THSD4: variants seen among roughly 807,000 people sequenced by gnomAD.
THSD4 encodes thrombospondin type 1 domain containing 4, also known as thrombospondin type-1 domain-containing protein 4.
A neutral mutation model predicts 119.0 loss-of-function variants in THSD4; 69 were observed. That is an observed-to-expected ratio of 0.58 (90% CI 0.48 to 0.71). The LOEUF (loss-of-function observed/expected upper bound fraction) is 0.71. Among genes scored for constraint, THSD4 ranks in the 30% least tolerant of loss-of-function variants. The probability of loss-of-function intolerance (pLI) is 0.00; values close to 1 mark genes in which losing one functional copy is unlikely to be tolerated. For synonymous variants in THSD4, 524 were observed against 540.4 expected (o/e 0.97, Z 0.42); for missense variants, 1,393 against 1,391.1 (o/e 1.00, Z -0.02).
rs1034603834 is a variant in THSD4 at position 71,436,484 on chromosome 15, T to C, written c.1152+24661T>C. On this transcript the variant is annotated intron_variant, in intron 7 of 17. Coordinates refer to ENST00000261862, the MANE Select transcript of THSD4 (RefSeq NM_024817.3). ...CTACTTAACCAGATTTCACAAAGAGTGACCAAGAGTGACTGATAAGAATTT... is the reference window on the plus strand; with the variant it reads ...CTACTTAACCAGATTTCACAAAGAGCGACCAAGAGTGACTGATAAGAATTT... Among the ~76,000 whole-genome samples the C allele has an allele frequency of 4.6e-5, 7 of 152,076 alleles. No individual in the cohort carries two copies. The East Asian group carries it at 1.2e-3, about 25-fold the overall frequency.
chr15:71,775,195 A>G (rs756586785), intron 17 of THSD4, among the ~76,000 whole-genome samples: 3 of 152,210 alleles, frequency 2.0e-5, no homozygotes, highest in Non-Finnish European at 2.9e-5. Flanking sequence ...GAAGGAAATG[A>G]CTTATTTAAT....
chr15:71,612,317 C>T (rs1347815561), intron 7 of THSD4, among the ~76,000 whole-genome samples: 1 of 152,178 alleles, frequency 6.6e-6, no homozygotes, highest in East Asian at 1.9e-4. Flanking sequence ...AACAATCACC[C>T]CCCGGTGGGA....
Position 71,256,667 on chromosome 15 carries a change from A to G in THSD4, c.967A>G (p.Asn323Asp). ...IREVQCASYN[N>D]KPFMGRFYEW... ...GGAGGTACAGTGTGCATCCTACAAC[A>G]ACAAGCCATTCATGGGCCGGTTTTA... Residue 323 changes from asparagine (N) to aspartate (D), a missense_variant, in exon 6 of 18, where the codon AAC becomes GAC. Physicochemically the swap from Asn to Asp is conservative, Grantham distance 23. Coordinates refer to ENST00000261862, the MANE Select transcript of THSD4 (RefSeq NM_024817.3). The G allele has an allele frequency of 6.2e-7, 1 of 1,614,108 alleles. No individual in the cohort carries two copies. Among genetic ancestry groups the G allele is most frequent in the Non-Finnish European group, 8.5e-7 (1 of 1,179,984 alleles).
At chr15:71,102,204 G>A (rs1251546195) in intron 1 of THSD4, among the ~76,000 whole-genome samples, 1 of 152,058 alleles carries the variant, frequency 6.6e-6, no homozygotes, top group Admixed American at 6.5e-5. Flanking sequence ...ATGTGTGGAT[G>A]TCTTTGATTT....
intron 8 of THSD4, among the ~76,000 whole-genome samples, chr15:71,680,482 T>G (rs1034393994): frequency 6.6e-6 from 1 of 152,228 alleles, no homozygotes; most frequent in Non-Finnish European, 1.5e-5. Flanking sequence ...GGGTAAAAAT[T>G]TGTTGATCAG....
At chr15:71,411,851 C>T in intron 7 of THSD4, 28 bp downstream of exon 7, 1 of 1,612,814 alleles carries the variant, frequency 6.2e-7, no homozygotes, top group Non-Finnish European at 8.5e-7. Context: ...GGGGTGAATT[C>T]TTAAGGTGTT....
chr15:71,430,154 A>C (rs1264783989), intron 7 of THSD4, among the ~76,000 whole-genome samples: 2 of 152,128 alleles, frequency 1.3e-5, no homozygotes, highest in Admixed American at 6.5e-5. Context: ...CTTAGGAAAA[A>C]AGAAATTTTA....
At chr15:71,330,378 C>T (rs146989274) in intron 6 of THSD4, among the ~76,000 whole-genome samples, 30 of 152,304 alleles carry the variant, frequency 2.0e-4, no homozygotes, top group African/African-American at 6.5e-4. Context: ...TTAAAACACG[C>T]AGCACACGGT....
At chr15:71,318,521 C>G (rs527793451) in intron 6 of THSD4, among the ~76,000 whole-genome samples, 1 of 152,276 alleles carries the variant, frequency 6.6e-6, no homozygotes, top group African/African-American at 2.4e-5. Context: ...GAATAAGTAT[C>G]CTAATGGGAA....
At chr15:71,297,320 T>TTTTTGTTTG (rs111707595) in intron 6 of THSD4, among the ~76,000 whole-genome samples, 167 of 148,086 alleles carry the variant, frequency 1.1e-3, no homozygotes, top group African/African-American at 4.1e-3. Context: ...CTCTTCTTTT[T>TTTTTGTTTG]TTTGTTTGTT....
intron 8 of THSD4, among the ~76,000 whole-genome samples, chr15:71,685,058 C>A (rs1394834016): frequency 6.6e-6 from 1 of 151,900 alleles, no homozygotes; most frequent in African/African-American, 2.4e-5. Context: ...GATATATTCT[C>A]TTATTTGGGC....
intron 8 of THSD4, among the ~76,000 whole-genome samples, chr15:71,705,040 C>G (rs1192726953): frequency 6.6e-6 from 1 of 151,766 alleles, no homozygotes; most frequent in Non-Finnish European, 1.5e-5. Context: ...GAATGTGGGC[C>G]CAGCCCTGAA....
intron 7 of THSD4, among the ~76,000 whole-genome samples, chr15:71,551,144 T>C (rs1284554817): frequency 1.3e-5 from 2 of 152,242 alleles, no homozygotes; most frequent in Admixed American, 6.5e-5. Context: ...AGATGTGTAA[T>C]GAAATGACTA....
In THSD4 at chr15:71,242,674, C is replaced by T. The variant is rs1360651281; in HGVS notation, c.490C>T (p.Pro164Ser). 6.2e-7 allele frequency: 1 copy of T among 1,614,106 alleles called. No homozygotes were observed. Among genetic ancestry groups the T allele is most frequent in the Admixed American group, 1.7e-5 (1 of 60,026 alleles). ...RRSRTRGTIG[P>S]GKYGYGKAPY... ...GAGCAGGACCCGTGGTACCATTGGC[C>T]CTGGCAAGTATGGCTATGGTAAGGC... The change falls in exon 5 of 18, where the codon CCT becomes TCT. Residue 164 changes from proline (P) to serine (S), a missense_variant. Pro to Ser is a moderately conservative substitution (Grantham distance 74, BLOSUM62 -1). Coordinates refer to ENST00000261862, the MANE Select transcript of THSD4 (RefSeq NM_024817.3).
At chr15:71,680,672 G>A (rs969604805) in intron 8 of THSD4, among the ~76,000 whole-genome samples, 4 of 152,316 alleles carry the variant, frequency 2.6e-5, no homozygotes, top group Non-Finnish European at 5.9e-5. Context: ...AAACATTTCA[G>A]TATGAGCAGA....
chr15:71,334,346 C>T (rs2045465497), intron 6 of THSD4, among the ~76,000 whole-genome samples: 1 of 152,168 alleles, frequency 6.6e-6, no homozygotes, highest in Non-Finnish European at 1.5e-5. Flanking sequence ...CACTCGACTA[C>T]CACAGAACCA....
chr15:71,627,752 AAGG>A (rs1268217209), intron 7 of THSD4, among the ~76,000 whole-genome samples: 2 of 152,212 alleles, frequency 1.3e-5, no homozygotes, highest in East Asian at 1.9e-4. Flanking sequence ...GGTTCAGAGT[AAGG>A]AGAGATTTTT....
In THSD4 at chr15:71,348,348, A is replaced by G. The variant is rs552979501; in HGVS notation, c.1016-63339A>G. The G allele has an allele frequency of 5.3e-5, 8 of 152,336 alleles. No individual in the cohort carries two copies. The South Asian group carries it at 6.2e-4, about 12-fold the overall frequency. 9.4% of individuals were successfully genotyped at this position (152,336 alleles called of 1,614,324 possible). Reference sequence around the variant, plus strand: ...CGATTCTGCATTTTAATGAACCTCAATTGATGCTGTTGTTGCTGCTCTGAG... The same window carrying G: ...CGATTCTGCATTTTAATGAACCTCAGTTGATGCTGTTGTTGCTGCTCTGAG... On this transcript the variant is annotated intron_variant, in intron 6 of 17. Transcript: ENST00000261862.
chr15:71,377,914 A>ACCT (rs57687864), intron 6 of THSD4, among the ~76,000 whole-genome samples: 37,565 of 146,136 alleles, frequency 0.26, 5,166 homozygotes, highest in Middle Eastern at 0.36. Context: ...ACACACACAC[A>ACCT]ATTTCCTTCA....
Sources: gnomAD v4.1 joint callset for allele counts (sites outside exome capture counted in the v4.1 genomes callset) on GRCh38, gnomAD v4.1.1 for gene constraint, MANE v1.5 for transcripts, NCBI Gene and HGNC (gene_info 2026-07-23, HGNC 2026-07-21) for gene names.